Variants in CACNA1B observed in about 807,000 individuals in gnomAD.
CACNA1B encodes the protein calcium voltage-gated channel subunit alpha1 B.
Under a neutral mutation model 247.2 loss-of-function variants are expected in CACNA1B, and 70 were observed. The observed-to-expected ratio is 0.28, with a 90% CI of 0.23 to 0.35. The LOEUF (loss-of-function observed/expected upper bound fraction) is 0.35, where lower values mean the gene tolerates loss of function less well. CACNA1B is among the 10% of genes least tolerant of loss of function. CACNA1B has a pLI of 1.00. For missense variants in CACNA1B, 2,367 were observed against 3,197.4 expected (o/e 0.74, Z 6.26); for synonymous variants, 1,231 against 1,294.4 (o/e 0.95, Z 1.05).
chr9:137,909,282 G>A lies in CACNA1B; in HGVS notation c.531-3898G>A, dbSNP rs143116644. Among the ~76,000 whole-genome samples the A allele has an allele frequency of 1.0e-3, 159 of 152,262 alleles. 1 individual carries two copies. In the South Asian group the frequency reaches 0.012, roughly 11 times the overall value. On this transcript the variant is annotated intron_variant, in intron 3 of 46. Transcript: ENST00000371372. ...TGGGATGACAGGCGTGAGCCACTGCGCCCGGCTTTGCAATTTCCAATTTTT... is the reference window on the plus strand; with the variant it reads ...TGGGATGACAGGCGTGAGCCACTGCACCCGGCTTTGCAATTTCCAATTTTT...
At chr9:137,972,448 G>T (rs1958164893) in intron 11 of CACNA1B, among the ~76,000 whole-genome samples, 1 of 152,130 alleles carries the variant, frequency 6.6e-6, no homozygotes, top group South Asian at 2.1e-4. Context: ...TTTGCCTGAA[G>T]CTGCCGAGGC....
intron 3 of CACNA1B, among the ~76,000 whole-genome samples, chr9:137,893,863 G>T (rs1957139127): frequency 2.0e-5 from 3 of 152,208 alleles, no homozygotes; most frequent in Non-Finnish European, 4.4e-5. Flanking sequence ...GCCCAGAACA[G>T]CCCGTCCCGG....
At chr9:138,030,570 G>T (rs1359024576) in intron 20 of CACNA1B, among the ~76,000 whole-genome samples, 1 of 152,002 alleles carries the variant, frequency 6.6e-6, no homozygotes, top group Non-Finnish European at 1.5e-5. Context: ...GTCTGGTTTT[G>T]GTATCAGAGT....
chr9:138,022,356 G>C (rs10121562), intron 18 of CACNA1B, among the ~76,000 whole-genome samples: 1 of 152,142 alleles, frequency 6.6e-6, no homozygotes, highest in African/African-American at 2.4e-5. Context: ...TGACCACCTC[G>C]GGGACTGGCA....
chr9:138,097,628 C>T (rs1162724660), intron 37 of CACNA1B, among the ~76,000 whole-genome samples: 2 of 152,172 alleles, frequency 1.3e-5, no homozygotes, highest in Admixed American at 6.5e-5. Flanking sequence ...CACCACTCCC[C>T]GTGCCCTAGG....
At position 137,957,491 on chromosome 9, in the gene CACNA1B, C is replaced by G; in HGVS notation, c.1244-107C>G. 1 of 722,292 alleles carries G rather than the reference C, an allele frequency of 1.4e-6. No individual in the cohort carries two copies. Among genetic ancestry groups the G allele is most frequent in the Non-Finnish European group, 2.2e-6 (1 of 456,832 alleles). 44.7% of individuals were successfully genotyped at this position (722,292 alleles called of 1,614,324 possible). On this transcript the variant is annotated intron_variant, in intron 9 of 46. Transcript: ENST00000371372. The surrounding 1 kb of genome is among the most constrained non-coding windows in gnomAD (Gnocchi z 4.7). ...TCAGCCCCAGTTCAGGACAGGAGCT[C>G]AGGAGAGGTCACTGGTCCCAGGGGG...
At chr9:137,993,500 G>A (rs989235388) in intron 15 of CACNA1B, among the ~76,000 whole-genome samples, 3 of 152,056 alleles carry the variant, frequency 2.0e-5, no homozygotes, top group Admixed American at 2.0e-4. Flanking sequence ...AATTAGAAAT[G>A]AAATGGGAGA....
intron 20 of CACNA1B, among the ~76,000 whole-genome samples, chr9:138,030,038 T>G (rs1958969974): frequency 6.6e-6 from 1 of 152,210 alleles, no homozygotes; most frequent in South Asian, 2.1e-4. Flanking sequence ...CAGTTTTAGT[T>G]TTTTCCTTTC....
chr9:138,102,777 G>A lies in CACNA1B; in HGVS notation c.5289G>A (p.Gly1763=), dbSNP rs75653488. Residue 1763 remains glycine, a synonymous_variant, in exon 38 of 47, where the codon GGG becomes GGA. Coordinates refer to ENST00000371372, the MANE Select transcript of CACNA1B (RefSeq NM_000718.4). This position sits in a 1 kb window ranked among gnomAD's most constrained non-coding sequence, Gnocchi z 5.4. ...ACATGTCCCCGCCTCTGGGGCTGGG[G>A]AAGAAATGCCCTGCTCGAGTTGCTT... ...LKHMSPPLGL[G]KKCPARVAYK... is the part of the protein sequence containing the mutation. The A allele has an allele frequency of 7.4e-6, 12 of 1,612,646 alleles. No homozygotes were observed. The Admixed American group carries it at 2.0e-4, about 27-fold the overall frequency.
chr9:138,039,781 T>C lies in CACNA1B; in HGVS notation c.3287-3993T>C, dbSNP rs559381934. Among the ~76,000 whole-genome samples, 91 of 152,268 alleles carry C rather than the reference T, an allele frequency of 6.0e-4. 2 individuals are homozygous for C. In the South Asian group the frequency reaches 0.018, roughly 30 times the overall value. ...TTTTTTCATGGTCGGCTTTTGTTCT[T>C]GTTCTATATGTGCTTCCGAGGGATA... On this transcript the variant is annotated intron_variant, in intron 20 of 46. Coordinates refer to ENST00000371372, the MANE Select transcript of CACNA1B (RefSeq NM_000718.4).
chr9:138,052,024 G>T lies in CACNA1B; in HGVS notation c.3711-68G>T. On this transcript the variant is annotated intron_variant, in intron 24 of 46. Coordinates refer to ENST00000371372, the MANE Select transcript of CACNA1B (RefSeq NM_000718.4). The surrounding 1 kb of genome is among the most constrained non-coding windows in gnomAD (Gnocchi z 5.1). ...CAGGGGAGCAGGACTCAGACCCTGG[G>T]GGGCCACGTGGGAGCTGGGCACACC... The T allele has an allele frequency of 1.1e-6, 1 of 878,960 alleles. No individual in the cohort carries two copies. The highest frequency in any genetic ancestry group is 2.6e-5 in the East Asian group (1 of 39,170). 54.4% of individuals were successfully genotyped at this position (878,960 alleles called of 1,614,324 possible). A position where few individuals can be genotyped will look rare whatever the true frequency, so the allele number is the denominator to read the frequency against.
rs201484855 is a variant in CACNA1B at position 138,057,896 on chromosome 9, C to T, written c.4106+27C>T. 20 of 1,595,400 alleles carry T rather than the reference C, an allele frequency of 1.3e-5. No individual in the cohort carries two copies. The highest frequency in any genetic ancestry group is 1.1e-5 in the Non-Finnish European group (13 of 1,166,414). On this transcript the variant is annotated intron_variant, in intron 27 of 46. Coordinates refer to ENST00000371372, the MANE Select transcript of CACNA1B (RefSeq NM_000718.4). This position sits in a 1 kb window ranked among gnomAD's most constrained non-coding sequence, Gnocchi z 4.0. ...TGAGTGCTCATCCTGCTCTCCGTAG[C>T]TGGGGCAGGCAGCCCCTGAGCTCGG...
chr9:137,961,733 G>A (rs1449799671), intron 10 of CACNA1B, among the ~76,000 whole-genome samples: 2 of 152,038 alleles, frequency 1.3e-5, no homozygotes, highest in Non-Finnish European at 1.5e-5. Flanking sequence ...GATTGTGGTG[G>A]ATAGATTGTG....
intron 15 of CACNA1B, among the ~76,000 whole-genome samples, chr9:138,005,173 C>T (rs1224817443): frequency 6.6e-6 from 1 of 152,228 alleles, no homozygotes; most frequent in African/African-American, 2.4e-5. Context: ...TCCTCATGCT[C>T]ATGGCAGCAC....
chr9:138,046,833 A>C, intron 21 of CACNA1B, 71 bp from the exon 22 acceptor site: 2 of 1,505,654 alleles, frequency 1.3e-6, no homozygotes, highest in Non-Finnish European at 1.8e-6. Flanking sequence ...GGACGGGCTG[A>C]GCCTGCCCTG....
intron 20 of CACNA1B, among the ~76,000 whole-genome samples, chr9:138,029,149 T>G (rs1409304441): frequency 6.6e-6 from 1 of 152,224 alleles, no homozygotes; most frequent in Non-Finnish European, 1.5e-5. Flanking sequence ...GAAAGATATA[T>G]ATGTTTTCCA....
At chr9:138,029,126 A>G (rs1228512718) in intron 20 of CACNA1B, among the ~76,000 whole-genome samples, 6 of 152,250 alleles carry the variant, frequency 3.9e-5, no homozygotes, top group South Asian at 2.1e-4. Flanking sequence ...AGAAAAGTCA[A>G]CAACACTGTA....
chr9:137,913,083 C>G lies in CACNA1B; in HGVS notation c.531-97C>G. On this transcript the variant is annotated intron_variant, in intron 3 of 46. Coordinates refer to ENST00000371372, the MANE Select transcript of CACNA1B (RefSeq NM_000718.4). The surrounding 1 kb of genome is among the most constrained non-coding windows in gnomAD (Gnocchi z 5.2). Reference sequence around the variant, plus strand: ...GGACACAGGAATGAAGGTGTCACTGCTCTTGGGAGACATGACCCTGGTGGT... The same window carrying G: ...GGACACAGGAATGAAGGTGTCACTGGTCTTGGGAGACATGACCCTGGTGGT... 5.5e-6 allele frequency: 5 copies of G among 912,712 alleles called. No homozygotes were observed. Among genetic ancestry groups the G allele is most frequent in the Non-Finnish European group, 7.0e-6 (4 of 573,288 alleles). The allele number at this position is 912,712 out of a possible 1,614,324, so 56.5% of individuals were successfully genotyped here. A position where few individuals can be genotyped will look rare whatever the true frequency, so the allele number is the denominator to read the frequency against.
At chr9:138,110,217 C>T (rs13285187) in intron 39 of CACNA1B, among the ~76,000 whole-genome samples, 27,031 of 151,868 alleles carry the variant, frequency 0.18, 3,035 homozygotes, top group Middle Eastern at 0.32. Context: ...TGGGTTCAAA[C>T]GATTCCTCTG....
Sources: allele counts gnomAD v4.1 joint callset (sites outside exome capture counted in the v4.1 genomes callset), GRCh38; gene constraint gnomAD v4.1.1; non-coding constraint Gnocchi (gnomAD v3.1); transcripts MANE v1.5; gene names NCBI Gene and HGNC (gene_info 2026-07-23, HGNC 2026-07-21).